HCN1: variants seen among roughly 807,000 people sequenced by gnomAD.
The protein encoded by HCN1 is hyperpolarization activated cyclic nucleotide gated potassium channel 1.
Under a neutral mutation model 78.9 loss-of-function variants are expected in HCN1, and 13 were observed. That is an observed-to-expected ratio of 0.16 (90% confidence interval 0.11 to 0.26). HCN1 has a LOEUF of 0.26. HCN1 is among the 10% of genes least tolerant of loss of function. The pLI is 1.00. For synonymous variants in HCN1, 552 were observed against 455.5 expected (o/e 1.21, Z -2.70); for missense variants, 810 against 1,154.3 (o/e 0.70, Z 4.32).
intron 2 of HCN1, among the ~76,000 whole-genome samples, chr5:45,596,668 G>T (rs1744505342): frequency 1.3e-5 from 2 of 152,148 alleles, no homozygotes; most frequent in African/African-American, 4.8e-5. Context: ...TTTAAACTAG[G>T]ATCCCTAGGT....
At chr5:45,529,621 C>A (rs1427025894) in intron 2 of HCN1, among the ~76,000 whole-genome samples, 1 of 151,952 alleles carries the variant, frequency 6.6e-6, no homozygotes, top group Non-Finnish European at 1.5e-5. Flanking sequence ...CAAATGGTGT[C>A]TTTGGCGGAA....
intron 2 of HCN1, among the ~76,000 whole-genome samples, chr5:45,586,942 A>G (rs1202099821): frequency 6.6e-6 from 1 of 152,216 alleles, no homozygotes; most frequent in East Asian, 1.9e-4. Context: ...TCTGTGGGCC[A>G]TCACTAACCA....
chr5:45,544,321 C>A (rs1031532704), intron 2 of HCN1, among the ~76,000 whole-genome samples: 8 of 152,000 alleles, frequency 5.3e-5, no homozygotes, highest in Admixed American at 5.3e-4. Context: ...TTTCTAGAAT[C>A]TTGTTAAATC....
chr5:45,333,385 A>G, intron 5 of HCN1, among the ~76,000 whole-genome samples: 1 of 151,796 alleles, frequency 6.6e-6, no homozygotes, highest in Non-Finnish European at 1.5e-5. Context: ...AATTCTGGTT[A>G]TTAATCCCTT....
At chr5:45,288,732 C>T (rs757893430) in intron 6 of HCN1, among the ~76,000 whole-genome samples, 4 of 152,034 alleles carry the variant, frequency 2.6e-5, no homozygotes, top group Non-Finnish European at 2.9e-5. Context: ...TTGTAAGTTG[C>T]ATGTGGTGCA....
rs142280884 is a variant in HCN1, at chr5:45,262,585, G to A, written c.2009C>T (p.Ala670Val). The A allele has an allele frequency of 9.0e-5, 146 of 1,613,840 alleles. No individual in the cohort carries two copies. Among genetic ancestry groups the A allele is most frequent in the Non-Finnish European group, 1.2e-4 (143 of 1,180,020 alleles). The change falls in exon 8 of 8, where the codon GCG becomes GTG. Residue 670 changes from alanine to valine, a missense_variant. Coordinates refer to ENST00000303230, the MANE Select transcript of HCN1 (RefSeq NM_021072.4). ...CAGGTTGCTGTGAGACAGGCTGGTC[G>A]CTGTGTACACCGGTGGAGATTGTGT... Reference protein sequence around the residue: ...MRTQSPPVYTATSLSHSNLHS... With the variant: ...MRTQSPPVYTVTSLSHSNLHS...
intron 4 of HCN1, among the ~76,000 whole-genome samples, chr5:45,373,561 C>T (rs1169058248): frequency 7.1e-6 from 1 of 140,040 alleles, no homozygotes; most frequent in Non-Finnish European, 1.5e-5. Context: ...ATATATATTA[C>T]ATACATTATA....
intron 4 of HCN1, among the ~76,000 whole-genome samples, chr5:45,374,026 T>A (rs575967693): frequency 8.7e-6 from 1 of 114,914 alleles, no homozygotes; most frequent in African/African-American, 3.5e-5. Flanking sequence ...ATATTATATA[T>A]ATTATATACA....
At chr5:45,340,437 A>G (rs1056320207) in intron 5 of HCN1, among the ~76,000 whole-genome samples, 12 of 152,182 alleles carry the variant, frequency 7.9e-5, no homozygotes, top group African/African-American at 2.9e-4. Context: ...CTTAGAATAT[A>G]TGCTTCAATT....
At chr5:45,355,984 C>T (rs1212458239) in intron 4 of HCN1, among the ~76,000 whole-genome samples, 2 of 151,910 alleles carry the variant, frequency 1.3e-5, no homozygotes, top group Non-Finnish European at 2.9e-5. Flanking sequence ...GTCTGTTTCT[C>T]CCACACCTAA....
chr5:45,499,861 G>T (rs1448864443), intron 2 of HCN1, among the ~76,000 whole-genome samples: 1 of 152,056 alleles, frequency 6.6e-6, no homozygotes, highest in Non-Finnish European at 1.5e-5. Flanking sequence ...TTTACTTTTA[G>T]CATCTATCTC....
intron 5 of HCN1, among the ~76,000 whole-genome samples, chr5:45,319,113 A>G (rs945485339): frequency 6.6e-6 from 1 of 151,968 alleles, no homozygotes; most frequent in Non-Finnish European, 1.5e-5. Context: ...TTGGGTTGTT[A>G]CCAGTTTTAG....
At chr5:45,599,979 G>T (rs1258411655) in intron 2 of HCN1, among the ~76,000 whole-genome samples, 1 of 152,010 alleles carries the variant, frequency 6.6e-6, no homozygotes, top group African/African-American at 2.4e-5. Context: ...ATTACCATTT[G>T]CCTAGGCCTG....
In HCN1 at chr5:45,695,269, G is replaced by A. The variant is rs1561248120; in HGVS notation, c.425+400C>T. The A allele has an allele frequency of 3.9e-5, 9 of 232,466 alleles. No homozygotes were observed. In the South Asian group the frequency reaches 5.1e-4, roughly 13 times the overall value. The allele number at this position is 232,466 out of a possible 1,614,324, so 14.4% of individuals were successfully genotyped here. The stretch of plus-strand genomic sequence containing the variant: ...CCCCAGAAGCCTCCTTTTCCCTCCT[G>A]GTTGAGACCACACTTGAGGGAGCCG... On this transcript the variant is annotated intron_variant, in intron 1 of 7. Coordinates refer to ENST00000303230, the MANE Select transcript of HCN1 (RefSeq NM_021072.4).
intron 2 of HCN1, among the ~76,000 whole-genome samples, chr5:45,585,735 C>G (rs1312373763): frequency 1.3e-5 from 2 of 152,088 alleles, no homozygotes; most frequent in African/African-American, 4.8e-5. Flanking sequence ...GTTAGTTTTC[C>G]TTCTAACAGT....
intron 3 of HCN1, among the ~76,000 whole-genome samples, chr5:45,438,924 T>A (rs1740617601): frequency 6.6e-6 from 1 of 152,156 alleles, no homozygotes; most frequent in South Asian, 2.1e-4. Flanking sequence ...AGAGTATGGA[T>A]TTAAATTATG....
At chr5:45,497,034 G>A (rs1211712012) in intron 2 of HCN1, among the ~76,000 whole-genome samples, 2 of 152,168 alleles carry the variant, frequency 1.3e-5, no homozygotes, top group Non-Finnish European at 2.9e-5. Context: ...TCTTAATCCT[G>A]AGTTCTAGTT....
At chr5:45,475,122 G>T (rs1368959213) in intron 2 of HCN1, among the ~76,000 whole-genome samples, 3 of 151,852 alleles carry the variant, frequency 2.0e-5, no homozygotes, top group Non-Finnish European at 4.4e-5. Flanking sequence ...ATAGTGAACT[G>T]AATTATGAGT....
At chr5:45,525,196 G>C (rs1413568817) in intron 2 of HCN1, among the ~76,000 whole-genome samples, 1 of 152,058 alleles carries the variant, frequency 6.6e-6, no homozygotes, top group East Asian at 1.9e-4. Flanking sequence ...TTACATCCCA[G>C]GGATGAAGCC....
Sources: allele counts gnomAD v4.1 joint callset (sites outside exome capture counted in the v4.1 genomes callset), GRCh38; gene constraint gnomAD v4.1.1; transcripts MANE v1.5; gene names NCBI Gene and HGNC (gene_info 2026-07-23, HGNC 2026-07-21).